Variants in BCAS1 observed in about 807,000 individuals in gnomAD.
BCAS1 encodes breast carcinoma-amplified sequence 1.
Under a neutral mutation model 65.4 loss-of-function variants are expected in BCAS1, and 46 were observed. The ratio of observed to expected loss-of-function variants is 0.70; its 90% confidence interval spans 0.55 to 0.90. BCAS1 has a LOEUF of 0.90. Among genes scored for constraint, BCAS1 ranks in the 40% least tolerant of loss-of-function variants. BCAS1 has a pLI of 0.00. For synonymous variants in BCAS1, 298 were observed against 293.5 expected, an observed-to-expected ratio of 1.02 and a Z score of -0.16; for missense variants, 793 against 771.2, an observed-to-expected ratio of 1.03 and a Z score of -0.33.
At chr20:53,946,528 C>T (rs2089325448) in intron 12 of BCAS1, among the ~76,000 whole-genome samples, 1 of 144,026 alleles carries the variant, frequency 6.9e-6, no homozygotes, top group East Asian at 2.0e-4. Context: ...TATACACACA[C>T]ACATAGAGAG....
At chr20:54,026,978 G>T (rs1313682938) in intron 4 of BCAS1, among the ~76,000 whole-genome samples, 1 of 152,180 alleles carries the variant, frequency 6.6e-6, no homozygotes, top group Admixed American at 6.5e-5. Context: ...CTTCACTGTG[G>T]TCCCTGTGCC....
At chr20:54,034,035 A>G (rs914689308) in intron 3 of BCAS1, among the ~76,000 whole-genome samples, 3 of 151,498 alleles carry the variant, frequency 2.0e-5, no homozygotes, top group African/African-American at 7.2e-5. Flanking sequence ...CAAAAACTAC[A>G]TGATTATCTC....
chr20:54,021,787 C>G (rs1238598267), intron 4 of BCAS1, among the ~76,000 whole-genome samples: 1 of 152,078 alleles, frequency 6.6e-6, no homozygotes, highest in African/African-American at 2.4e-5. Flanking sequence ...GGCTTAATAC[C>G]TAGGTGATGG....
intron 3 of BCAS1, among the ~76,000 whole-genome samples, chr20:54,049,940 T>C (rs1383791198): frequency 6.6e-6 from 1 of 152,204 alleles, no homozygotes; most frequent in Non-Finnish European, 1.5e-5. Context: ...CCATTTCCGA[T>C]TGCTGTAATG....
intron 3 of BCAS1, among the ~76,000 whole-genome samples, chr20:54,031,879 T>C (rs2091808750): frequency 6.6e-6 from 1 of 151,074 alleles, no homozygotes; most frequent in Non-Finnish European, 1.5e-5. Context: ...CTGAAAGAGA[T>C]GGAGGGAATG....
rs1269969826 is a variant in BCAS1 at position 53,992,568 on chromosome 20, T to A, written c.1006A>T (p.Lys336Ter). ...SEIQARGTKK[K>*]HLDSPRLGLA... The stretch of plus-strand genomic sequence containing the variant: ...CCTAGCCTGGGGCTATCCAGGTGCT[T>A]TTTCTTGGTGCCTCTAGCCTGGATC... The change falls in exon 7 of 13, where the codon AAG becomes TAG. Residue 336 changes from lysine (K) to a stop codon, truncating the protein, a stop_gained. Transcript: ENST00000688948. LOFTEE classifies it high-confidence loss of function. 1 of 1,365,542 alleles carries A rather than the reference T, an allele frequency of 7.3e-7. No homozygotes were observed. Among genetic ancestry groups the A allele is most frequent in the Non-Finnish European group, 9.8e-7 (1 of 1,021,710 alleles). 84.6% of individuals were successfully genotyped at this position (1,365,542 alleles called of 1,614,324 possible). A position where few individuals can be genotyped will look rare whatever the true frequency, so the allele number is the denominator to read the frequency against.
intron 3 of BCAS1, among the ~76,000 whole-genome samples, chr20:54,049,474 A>G (rs2051963935): frequency 6.6e-6 from 1 of 152,162 alleles, no homozygotes; most frequent in African/African-American, 2.4e-5. Flanking sequence ...AAGATCTATG[A>G]AGTTTTAGGC....
At chr20:53,948,800 C>T (rs935104924) in intron 12 of BCAS1, among the ~76,000 whole-genome samples, 40 of 152,294 alleles carry the variant, frequency 2.6e-4, no homozygotes, top group African/African-American at 9.1e-4. Context: ...TGACCTAGGA[C>T]TAGGTCATGC....
intron 3 of BCAS1, among the ~76,000 whole-genome samples, chr20:54,054,703 C>A (rs1010407478): frequency 1.3e-5 from 2 of 152,182 alleles, no homozygotes; most frequent in Non-Finnish European, 2.9e-5. Context: ...GCAAGACTGC[C>A]AGGTGTGAGG....
intron 7 of BCAS1, among the ~76,000 whole-genome samples, chr20:53,991,010 T>G (rs952417453): frequency 6.6e-6 from 1 of 152,188 alleles, no homozygotes. Flanking sequence ...ATGATAACAT[T>G]GAACTTGGGT....
chr20:53,952,610 C>T (rs1272049540), intron 12 of BCAS1, among the ~76,000 whole-genome samples: 1 of 152,142 alleles, frequency 6.6e-6, no homozygotes, highest in Non-Finnish European at 1.5e-5. Context: ...CCAAAACCTA[C>T]CTTATGAGTA....
chr20:54,036,370 T>G (rs987824260), intron 3 of BCAS1, among the ~76,000 whole-genome samples: 5 of 151,244 alleles, frequency 3.3e-5, no homozygotes, highest in South Asian at 4.2e-4. Flanking sequence ...GAAGGTAGAG[T>G]TGAAAATTTT....
chr20:53,992,341 G>A (rs2090781696), intron 7 of BCAS1, among the ~76,000 whole-genome samples, 171 bp downstream of exon 7: 1 of 151,968 alleles, frequency 6.6e-6, no homozygotes, highest in Admixed American at 6.6e-5. Context: ...ATGACTATGG[G>A]GACTTAAAAA....
intron 12 of BCAS1, among the ~76,000 whole-genome samples, chr20:53,948,249 C>T (rs527609151): frequency 6.6e-6 from 1 of 152,274 alleles, no homozygotes; most frequent in African/African-American, 2.4e-5. Context: ...GTTCCATGAG[C>T]TTGATCTTGG....
rs1008588237 is a variant in BCAS1, at chr20:53,944,878, C to T, written c.*44G>A. The T allele has an allele frequency of 1.3e-6, 2 of 1,555,062 alleles. No homozygotes were observed. Among genetic ancestry groups the T allele is most frequent in the Non-Finnish European group, 1.8e-6 (2 of 1,126,466 alleles). On this transcript the variant is annotated 3_prime_UTR_variant, in exon 13 of 13. Coordinates refer to ENST00000688948, the MANE Select transcript of BCAS1 (RefSeq NM_001366298.2). ...GGGAGGAGATGGAGTAAGGAGAACACATCTTGGTGGCAGGAGAACCTGGTG... is the reference window on the plus strand; with the variant it reads ...GGGAGGAGATGGAGTAAGGAGAACATATCTTGGTGGCAGGAGAACCTGGTG...
At chr20:53,970,813 A>G (rs2090160375) in intron 9 of BCAS1, among the ~76,000 whole-genome samples, 1 of 152,160 alleles carries the variant, frequency 6.6e-6, no homozygotes, top group African/African-American at 2.4e-5. Flanking sequence ...GTCCATTTAA[A>G]CTTCATGCAC....
chr20:53,995,978 C>T lies in BCAS1; in HGVS notation c.796G>A (p.Glu266Lys). 1.9e-6 allele frequency: 3 copies of T among 1,613,602 alleles called. No individual in the cohort carries two copies. Among genetic ancestry groups the T allele is most frequent in the Middle Eastern group, 1.7e-4 (1 of 6,058 alleles). ...TADCSVPGDP[E>K]GLETAKDDSQ... ...TCGTCCTTTGCAGTCTCCAGTCCTTCTGGGTCCCCAGGGACAGAGCAATCC... is the reference window on the plus strand; with the variant it reads ...TCGTCCTTTGCAGTCTCCAGTCCTTTTGGGTCCCCAGGGACAGAGCAATCC... The change falls in exon 5 of 13, where the codon GAA becomes AAA. Residue 266 changes from glutamate to lysine, a missense_variant. Physicochemically the swap from Glu to Lys is moderately conservative, Grantham distance 56. Coordinates refer to ENST00000688948, the MANE Select transcript of BCAS1 (RefSeq NM_001366298.2).
At chr20:53,995,195 A>C in intron 5 of BCAS1, 139 bp from the exon 6 acceptor site, 1 of 686,628 alleles carries the variant, frequency 1.5e-6, no homozygotes, top group Non-Finnish European at 2.4e-6. Flanking sequence ...TTAGTTCAAT[A>C]GAAATCTCAG....
intron 4 of BCAS1, among the ~76,000 whole-genome samples, chr20:54,011,616 G>T (rs1330010495): frequency 1.3e-5 from 2 of 152,150 alleles, no homozygotes; most frequent in Admixed American, 1.3e-4. Flanking sequence ...CAAGAAACTC[G>T]ATTACTCACT....
Sources: gnomAD v4.1 joint callset for allele counts (sites outside exome capture counted in the v4.1 genomes callset) on GRCh38, gnomAD v4.1.1 for gene constraint, MANE v1.5 for transcripts, NCBI Gene and HGNC (gene_info 2026-07-23, HGNC 2026-07-21) for gene names.